RRAS2: variants seen among roughly 807,000 people sequenced by gnomAD.
RRAS2 encodes the protein RAS related 2.
Under a neutral mutation model 27.6 loss-of-function variants are expected in RRAS2, and 7 were observed. The observed-to-expected ratio is 0.25, with a 90% CI of 0.14 to 0.48. The LOEUF (loss-of-function observed/expected upper bound fraction) is 0.48. RRAS2 is among the 20% of genes least tolerant of loss of function. RRAS2 has a pLI of 0.99. For missense variants in RRAS2, 178 were observed against 256.2 expected (o/e 0.69, Z 2.08); for synonymous variants, 86 against 90.9 (o/e 0.95, Z 0.31).
At chr11:14,301,970 G>A (rs1157224751) in intron 1 of RRAS2, among the ~76,000 whole-genome samples, 8 of 151,818 alleles carry the variant, frequency 5.3e-5, no homozygotes, top group East Asian at 1.9e-4. Flanking sequence ...GCAACAGAGC[G>A]AGACTCTTTC....
At chr11:14,352,727 G>C (rs1554954937) in intron 1 of RRAS2, among the ~76,000 whole-genome samples, 2 of 147,076 alleles carry the variant, frequency 1.4e-5, no homozygotes, top group Non-Finnish European at 3.0e-5. Context: ...ACTTTAATTT[G>C]AAAAAGAAAC....
chr11:14,345,223 T>G (rs1848804944), intron 1 of RRAS2, among the ~76,000 whole-genome samples: 1 of 152,082 alleles, frequency 6.6e-6, no homozygotes, highest in African/African-American at 2.4e-5. Flanking sequence ...TGACCTCAAG[T>G]GATCTGCCCT....
At chr11:14,295,932 G>A (rs1847535498) in intron 1 of RRAS2, 77 bp from the exon 2 acceptor site, 2 of 1,317,974 alleles carry the variant, frequency 1.5e-6, no homozygotes, top group Non-Finnish European at 2.1e-6. Flanking sequence ...CTATGCTCTG[G>A]GAGGCCGAGG....
Position 14,323,324 on chromosome 11 carries a change from G to A in RRAS2, c.109-27469C>T, listed in dbSNP as rs1460214811. 4.6e-5 allele frequency among the ~76,000 whole-genome samples: 7 copies of A among 152,086 alleles called. 1 individual carries two copies. The highest frequency in any genetic ancestry group is 4.2e-4 in the South Asian group (2 of 4,816). ...ACAAAAAAACTAGGCCAAGCATAGC[G>A]GCATGCGCCTATAGTCCCAACAGCT... On this transcript the variant is annotated intron_variant, in intron 1 of 5. Coordinates refer to ENST00000256196, the MANE Select transcript of RRAS2 (RefSeq NM_012250.6).
At chr11:14,323,049 G>A (rs904819184) in intron 1 of RRAS2, among the ~76,000 whole-genome samples, 6 of 152,138 alleles carry the variant, frequency 3.9e-5, no homozygotes, top group African/African-American at 1.2e-4. Context: ...ACAGCTAGAG[G>A]AGACATTTAA....
chr11:14,324,001 AAAC>A (rs1376255747), intron 1 of RRAS2, among the ~76,000 whole-genome samples: 4 of 151,848 alleles, frequency 2.6e-5, no homozygotes, highest in Non-Finnish European at 5.9e-5. Context: ...AAACTATAGC[AAAC>A]AACACTTTTT....
At chr11:14,312,220 T>C (rs1443314965) in intron 1 of RRAS2, among the ~76,000 whole-genome samples, 1 of 152,164 alleles carries the variant, frequency 6.6e-6, no homozygotes, top group Non-Finnish European at 1.5e-5. Context: ...ACTAGTTACA[T>C]GAATTACAGC....
chr11:14,292,278 A>G (rs1847419530), intron 4 of RRAS2, among the ~76,000 whole-genome samples: 1 of 150,140 alleles, frequency 6.7e-6, no homozygotes. Context: ...TGCCTACCCT[A>G]CAGGAGATCT....
intron 1 of RRAS2, among the ~76,000 whole-genome samples, chr11:14,305,679 C>A (rs1554947993): frequency 6.6e-6 from 1 of 152,146 alleles, no homozygotes; most frequent in Non-Finnish European, 1.5e-5. Flanking sequence ...CAAATTAAAA[C>A]CCACAGACAC....
chr11:14,332,371 T>G (rs1848497844), intron 1 of RRAS2, among the ~76,000 whole-genome samples: 1 of 152,106 alleles, frequency 6.6e-6, no homozygotes, highest in Admixed American at 6.5e-5. Context: ...CGTGGTGGCG[T>G]GTGCCTGTAG....
intron 2 of RRAS2, 31 bp downstream of exon 2, chr11:14,295,737 G>C (rs1302846081): frequency 2.0e-6 from 3 of 1,525,710 alleles, no homozygotes; most frequent in African/African-American, 2.8e-5. Flanking sequence ...AATATGATAT[G>C]CAAATTATCA....
intron 1 of RRAS2, among the ~76,000 whole-genome samples, chr11:14,315,400 G>C (rs750920128): frequency 1.3e-5 from 2 of 152,134 alleles, no homozygotes; most frequent in Non-Finnish European, 2.9e-5. Context: ...CTAATAGAGG[G>C]GCACTCTACA....
chr11:14,288,142 A>G (rs544734376), intron 4 of RRAS2, among the ~76,000 whole-genome samples: 1 of 152,034 alleles, frequency 6.6e-6, no homozygotes, highest in East Asian at 1.9e-4. Context: ...CACCATGCCT[A>G]ATTTTTTTTT....
intron 1 of RRAS2, among the ~76,000 whole-genome samples, chr11:14,324,665 C>A (rs139740743): frequency 6.6e-6 from 1 of 152,110 alleles, no homozygotes; most frequent in Admixed American, 6.6e-5. Context: ...ATGCCATTTT[C>A]CCAGCACCTA....
In RRAS2 at chr11:14,293,208, A is replaced by C. The variant is rs764474486; in HGVS notation, c.408+1263T>G. Among the ~76,000 whole-genome samples, 49 of 143,312 alleles carry C rather than the reference A, an allele frequency of 3.4e-4. 1 individual carries two copies. The highest frequency in any genetic ancestry group is 1.5e-3 in the South Asian group (7 of 4,556). The allele number at this position is 143,312 out of a possible 152,430, so 94.0% of individuals were successfully genotyped here. On this transcript the variant is annotated intron_variant, in intron 4 of 5. Coordinates refer to ENST00000256196, the MANE Select transcript of RRAS2 (RefSeq NM_012250.6). The stretch of plus-strand genomic sequence containing the variant: ...TTTGAAATTGGGTATGCCGCCAATA[A>C]AATTTTATGTACACAGCTAAAATCA...
chr11:14,332,547 C>A (rs1359165561), intron 1 of RRAS2, among the ~76,000 whole-genome samples: 2 of 152,070 alleles, frequency 1.3e-5, no homozygotes, highest in Admixed American at 1.3e-4. Context: ...TAGAAACAAG[C>A]AATATCATAG....
At chr11:14,293,018 G>A (rs1400657216) in intron 4 of RRAS2, among the ~76,000 whole-genome samples, 1 of 151,034 alleles carries the variant, frequency 6.6e-6, no homozygotes, top group African/African-American at 2.4e-5. Flanking sequence ...TGAGGCAGGA[G>A]AATGGCGTGA....
intron 1 of RRAS2, among the ~76,000 whole-genome samples, chr11:14,298,789 A>G (rs1177400986): frequency 6.6e-6 from 1 of 151,770 alleles, no homozygotes; most frequent in African/African-American, 2.4e-5. Flanking sequence ...AGAATCAAAA[A>G]CCTCTTTCCC....
intron 1 of RRAS2, among the ~76,000 whole-genome samples, chr11:14,340,033 T>C (rs888265876): frequency 5.3e-5 from 8 of 151,104 alleles, no homozygotes; most frequent in Non-Finnish European, 8.9e-5. Flanking sequence ...GTGGGAGGTT[T>C]GCTTGAGCCA....
Sources: allele counts gnomAD v4.1 joint callset (sites outside exome capture counted in the v4.1 genomes callset), GRCh38; gene constraint gnomAD v4.1.1; transcripts MANE v1.5; gene names NCBI Gene and HGNC (gene_info 2026-07-23, HGNC 2026-07-21).